ENTHD1: variants seen among roughly 807,000 people sequenced by gnomAD.
ENTHD1 encodes the protein ENTH domain containing 1.
A neutral mutation model predicts 39.1 loss-of-function variants in ENTHD1; 23 were observed. The ratio of observed to expected loss-of-function variants is 0.59; its 90% CI spans 0.42 to 0.83. The LOEUF (loss-of-function observed/expected upper bound fraction) is 0.83. Ranked by LOEUF, ENTHD1 falls within the 40% of genes least tolerant of loss-of-function variation. ENTHD1 has a pLI of 0.00. For missense variants in ENTHD1, 624 were observed against 705.4 expected, an observed-to-expected ratio of 0.88 and a Z score of 1.31; for synonymous variants, 230 against 258.2, an observed-to-expected ratio of 0.89 and a Z score of 1.05.
chr22:39,797,076 A>T (rs2065556520), intron 5 of ENTHD1, among the ~76,000 whole-genome samples: 1 of 152,336 alleles, frequency 6.6e-6, no homozygotes, highest in South Asian at 2.1e-4. Context: ...TAGAATTGTT[A>T]TATCCTCTTG....
intron 6 of ENTHD1, among the ~76,000 whole-genome samples, chr22:39,747,273 C>T (rs764077393): frequency 1.3e-5 from 2 of 152,146 alleles, no homozygotes; most frequent in Non-Finnish European, 1.5e-5. Context: ...CTCTGTGAGC[C>T]ACTGTGCCCC....
intron 6 of ENTHD1, among the ~76,000 whole-genome samples, chr22:39,754,292 A>C (rs2065168464): frequency 6.6e-6 from 1 of 152,172 alleles, no homozygotes; most frequent in African/African-American, 2.4e-5. Context: ...TTTTGATTTA[A>C]ATATCCACCC....
At chr22:39,838,150 C>A (rs1393258260) in intron 3 of ENTHD1, among the ~76,000 whole-genome samples, 2 of 152,164 alleles carry the variant, frequency 1.3e-5, no homozygotes, top group Non-Finnish European at 2.9e-5. Flanking sequence ...ATTTTTCTCA[C>A]ACTTTCTGAG....
At chr22:39,859,681 AATTACAACAGTAAC>A (rs1422282677) in intron 3 of ENTHD1, among the ~76,000 whole-genome samples, 2 of 152,206 alleles carry the variant, frequency 1.3e-5, no homozygotes, top group African/African-American at 4.8e-5. Flanking sequence ...ACCCCAAAAC[AATTACAACAGTAAC>A]ATCTAAGATC....
intron 3 of ENTHD1, among the ~76,000 whole-genome samples, chr22:39,853,581 T>TA (rs1303966279): frequency 6.7e-6 from 1 of 150,010 alleles, no homozygotes; most frequent in Non-Finnish European, 1.5e-5. Flanking sequence ...TTCTTCTTAT[T>TA]ATTATTTTTT....
intron 5 of ENTHD1, among the ~76,000 whole-genome samples, chr22:39,788,037 T>C (rs923354160): frequency 3.3e-5 from 5 of 152,186 alleles, no homozygotes; most frequent in Admixed American, 2.6e-4. Flanking sequence ...AGAGCTCTGA[T>C]GGAGATGTAC....
chr22:39,794,505 T>C (rs1016890317), intron 5 of ENTHD1, among the ~76,000 whole-genome samples: 2 of 152,132 alleles, frequency 1.3e-5, no homozygotes, highest in Non-Finnish European at 1.5e-5. Flanking sequence ...ATAGGAGTGG[T>C]AAAAGTGGCA....
chr22:39,872,350 T>G (rs1181534140), intron 2 of ENTHD1, among the ~76,000 whole-genome samples: 3 of 152,252 alleles, frequency 2.0e-5, no homozygotes, highest in Non-Finnish European at 4.4e-5. Flanking sequence ...CTTTATTCAA[T>G]TCATTATAAT....
chr22:39,823,787 ATTCGTG>A (rs1342710843), intron 4 of ENTHD1, among the ~76,000 whole-genome samples: 10 of 152,308 alleles, frequency 6.6e-5, no homozygotes, highest in Admixed American at 2.0e-4. Flanking sequence ...CCAGTAATAT[ATTCGTG>A]TTTTAATTTC....
chr22:39,794,438 CT>C (rs967195824), intron 5 of ENTHD1, among the ~76,000 whole-genome samples: 2 of 152,092 alleles, frequency 1.3e-5, no homozygotes, highest in Admixed American at 1.3e-4. Context: ...ATTTGGATGC[CT>C]TTTCTTTCTT....
Position 39,861,922 on chromosome 22 carries a change from A to T in ENTHD1, c.435T>A (p.Cys145Ter), listed in dbSNP as rs752324015. The change falls in exon 3 of 7, where the codon TGT becomes TGA. Residue 145 changes from cysteine (C) to a stop codon, truncating the protein, a stop_gained. Transcript: ENST00000325157. LOFTEE classifies it high-confidence loss of function. Reference sequence around the variant, plus strand: ...AGTGGGAGGTACGCTGTCTAGTCCGACATGCCACTTCCCTCTCTTTACACA... The same window carrying T: ...AGTGGGAGGTACGCTGTCTAGTCCGTCATGCCACTTCCCTCTCTTTACACA... ...PLLCKEREVA[C>*]RTRQRTSHSI... The T allele has an allele frequency of 2.5e-6, 4 of 1,600,462 alleles. No individual in the cohort carries two copies. In the East Asian group the frequency reaches 8.9e-5, roughly 36 times the overall value.
intron 3 of ENTHD1, among the ~76,000 whole-genome samples, chr22:39,836,961 T>C (rs2065911653): frequency 6.6e-6 from 1 of 152,186 alleles, no homozygotes; most frequent in Non-Finnish European, 1.5e-5. Flanking sequence ...CCTCTTTTCT[T>C]TATCAATTAC....
chr22:39,745,429 G>A (rs1028228207), intron 6 of ENTHD1, among the ~76,000 whole-genome samples: 1 of 152,134 alleles, frequency 6.6e-6, no homozygotes, highest in African/African-American at 2.4e-5. Context: ...AAACTAAATT[G>A]GACCTCCTGT....
chr22:39,818,801 G>A (rs888604715), intron 5 of ENTHD1, among the ~76,000 whole-genome samples: 2 of 152,082 alleles, frequency 1.3e-5, no homozygotes, highest in Non-Finnish European at 1.5e-5. Context: ...TCCCCCCTCC[G>A]GCTACATTTT....
chr22:39,860,234 A>G (rs891643552), intron 3 of ENTHD1, among the ~76,000 whole-genome samples: 2 of 152,246 alleles, frequency 1.3e-5, no homozygotes, highest in African/African-American at 2.4e-5. Context: ...TGTGTTTACA[A>G]TGAAAGAAGA....
Position 39,749,031 on chromosome 22 carries a change from C to T in ENTHD1, c.1220-4748G>A, listed in dbSNP as rs76369131. Among the ~76,000 whole-genome samples the T allele has an allele frequency of 4.0e-3, 603 of 152,298 alleles. 6 individuals are homozygous for T. Among genetic ancestry groups the T allele is most frequent in the African/African-American group, 0.013 (549 of 41,546 alleles). ...TTTGCCTTATGACTACAACTGCTGA[C>T]GAAATCGCTTATCATTGTTTACAGT... On this transcript the variant is annotated intron_variant, in intron 6 of 6. Transcript: ENST00000325157.
chr22:39,862,024 C>T lies in ENTHD1; in HGVS notation c.350-17G>A. Reference sequence around the variant, plus strand: ...TATAATAACCTGAAAAATACATTGACTCTGCTTAGAAAAGGAAATACTAGT... The same window carrying T: ...TATAATAACCTGAAAAATACATTGATTCTGCTTAGAAAAGGAAATACTAGT... On this transcript the variant is annotated splice_polypyrimidine_tract_variant and intron_variant, in intron 2 of 6. Transcript: ENST00000325157. 1.4e-6 allele frequency: 2 copies of T among 1,451,638 alleles called. No individual in the cohort carries two copies. The highest frequency in any genetic ancestry group is 2.4e-5 in the East Asian group (1 of 41,688). The allele number at this position is 1,451,638 out of a possible 1,614,324, so 89.9% of individuals were successfully genotyped here.
In ENTHD1 at chr22:39,809,852, C is replaced by CATGATAATCAT. The variant is rs540766804; in HGVS notation, c.832+11130_832+11140dup. Among the ~76,000 whole-genome samples, 102 of 152,250 alleles carry CATGATAATCAT rather than the reference C, an allele frequency of 6.7e-4. 1 individual carries two copies. The highest frequency in any genetic ancestry group is 2.4e-3 in the African/African-American group (99 of 41,534). On this transcript the variant is annotated intron_variant, in intron 5 of 6. Transcript: ENST00000325157. ...GCTTAACTCTTGGAGACAAGCTAGGCATGATAATCATAGTAAGCCACAGGG... is the reference window on the plus strand; with the variant it reads ...GCTTAACTCTTGGAGACAAGCTAGGCATGATAATCATATGATAATCATAGTAAGCCACAGGG...
At chr22:39,883,738 C>T (rs2066358124) in intron 2 of ENTHD1, among the ~76,000 whole-genome samples, 1 of 151,348 alleles carries the variant, frequency 6.6e-6, no homozygotes, top group Admixed American at 6.6e-5. Context: ...GCCTGTAGTC[C>T]CAGCTACTCG....
Sources: gnomAD v4.1 joint callset for allele counts (sites outside exome capture counted in the v4.1 genomes callset) on GRCh38, gnomAD v4.1.1 for gene constraint, MANE v1.5 for transcripts, NCBI Gene and HGNC (gene_info 2026-07-23, HGNC 2026-07-21) for gene names.